The following ZFP90 variants were observed in gnomAD, a reference collection of about 807,000 sequenced individuals.
ZFP90 encodes ZFP90 zinc finger protein, also known as zinc finger protein 90 homolog.
A neutral mutation model predicts 60.8 loss-of-function variants in ZFP90; 38 were observed. That is an observed-to-expected ratio of 0.62 (90% confidence interval 0.48 to 0.82). The LOEUF is 0.82. Among genes scored for constraint, ZFP90 ranks in the 40% least tolerant of loss-of-function variants. The pLI, the probability that ZFP90 is intolerant of heterozygous loss-of-function variation, is 0.00. For synonymous variants in ZFP90, 287 were observed against 264.8 expected, an observed-to-expected ratio of 1.08 and a Z score of -0.82; for missense variants, 711 against 759.1, an observed-to-expected ratio of 0.94 and a Z score of 0.74.
chr16:68,560,537 T>TTTTATTTA lies in ZFP90; in HGVS notation c.256+1997_256+2004dup, dbSNP rs1555499701. 2.4e-4 allele frequency among the ~76,000 whole-genome samples: 36 copies of TTTTATTTA among 147,226 alleles called. No homozygotes were observed. The East Asian group carries it at 5.8e-3, about 24-fold the overall frequency. On this transcript the variant is annotated intron_variant, in intron 4 of 4. Transcript: ENST00000563169. ...TCATCAGTTGCTGAACCACACTGGA[T>TTTTATTTA]TTTATTTATTTATTTATTTATTTAT...
chr16:68,547,882 C>T (rs1362114602), intron 2 of ZFP90, among the ~76,000 whole-genome samples: 1 of 148,466 alleles, frequency 6.7e-6, no homozygotes, highest in East Asian at 2.0e-4. Context: ...GTTGCCCAGG[C>T]TAGAGGGCAA....
intron 4 of ZFP90, chr16:68,562,201 G>T (rs1457451554): frequency 6.6e-6 from 1 of 152,138 alleles, no homozygotes; most frequent in African/African-American, 2.4e-5. Context: ...AGTCTTATAT[G>T]TACCATCCAG....
chr16:68,553,171 G>A (rs917555412), intron 2 of ZFP90, among the ~76,000 whole-genome samples: 2 of 152,152 alleles, frequency 1.3e-5, no homozygotes, highest in African/African-American at 4.8e-5. Flanking sequence ...TTTACATTCT[G>A]CTTTGGGATA....
In ZFP90 at chr16:68,564,625, A is replaced by G. The variant is rs1473395357; in HGVS notation, c.1838A>G (p.Glu613Gly). 1 of 1,613,930 alleles carries G rather than the reference A, an allele frequency of 6.2e-7. No homozygotes were observed. Among genetic ancestry groups the G allele is most frequent in the Non-Finnish European group, 8.5e-7 (1 of 1,179,998 alleles). ...GGAGAAAAACCCTATTCTTGTAAGG[A>G]ATGTGGGAAAAACTTCAGCCGAAGT... ...HTGEKPYSCK[E>G]CGKNFSRSSA... is the part of the protein sequence containing the mutation. The change falls in exon 5 of 5, where the codon GAA becomes GGA. Residue 613 changes from glutamate (E) to glycine (G), a missense_variant. Transcript: ENST00000563169.
Position 68,575,921 on chromosome 16 carries a change from C to T in ZFP90, c.*45C>T, listed in dbSNP as rs1597763833. 2.5e-5 allele frequency: 10 copies of T among 398,090 alleles called. No homozygotes were observed. The East Asian group carries it at 3.6e-4, about 14-fold the overall frequency. The allele number at this position is 398,090 out of a possible 1,614,324, so 24.7% of individuals were successfully genotyped here. ...GTAAGGACCTCCAGAAGTTCTCTGC[C>T]CCGTACAAGCCATGCAAATACTGAC... is the stretch of plus-strand genomic sequence containing the variant. On this transcript the variant is annotated 3_prime_UTR_variant, in exon 3 of 3. Transcript: ENST00000573113.
chr16:68,548,849 G>C (rs1233884853), intron 2 of ZFP90, among the ~76,000 whole-genome samples: 1 of 151,966 alleles, frequency 6.6e-6, no homozygotes, highest in African/African-American at 2.4e-5. Flanking sequence ...TTTATCAGAG[G>C]TTTTTCTATT....
At chr16:68,553,395 G>A (rs1292569312) in intron 2 of ZFP90, among the ~76,000 whole-genome samples, 3 of 152,106 alleles carry the variant, frequency 2.0e-5, no homozygotes, top group Admixed American at 6.6e-5. Flanking sequence ...CAGGCACCAG[G>A]GAGGAAGTAG....
intron 2 of ZFP90, among the ~76,000 whole-genome samples, chr16:68,541,198 G>A (rs1332782659): frequency 1.3e-5 from 2 of 151,982 alleles, no homozygotes; most frequent in East Asian, 1.9e-4. Context: ...CACCACACCC[G>A]GCTAATTTTT....
At chr16:68,539,079 C>G (rs1398558649), upstream of ZFP90, 1 of 152,386 alleles carries the variant, frequency 6.6e-6, no homozygotes, top group South Asian at 2.1e-4. Flanking sequence ...AGCAACAAGC[C>G]CCTTGCAAAG....
Position 68,563,690 on chromosome 16 carries a change from G to A in ZFP90, c.903G>A (p.Glu301=). 1.2e-6 allele frequency: 2 copies of A among 1,614,174 alleles called. No homozygotes were observed. The highest frequency in any genetic ancestry group is 1.7e-6 in the Non-Finnish European group (2 of 1,180,034). Residue 301 remains glutamate (E), a synonymous_variant, in exon 5 of 5, where the codon GAG becomes GAA. Coordinates refer to ENST00000563169, the MANE Select transcript of ZFP90 (RefSeq NM_001305203.2). ...ATAGCTCATCTCTTGGTCAGCATGA[G>A]AATGCTCATACCGGAGAGAAACCCT... ...FRHSSSLGQH[E]NAHTGEKPYQ... is the part of the protein sequence containing the mutation.
chr16:68,574,286 A>G (rs1349837702), intron 2 of ZFP90: 1 of 150,814 alleles, frequency 6.6e-6, no homozygotes, highest in Non-Finnish European at 1.5e-5. Flanking sequence ...CTCCCCCTGA[A>G]ACAAGGTCAT....
intron 2 of ZFP90, among the ~76,000 whole-genome samples, chr16:68,542,294 T>G (rs1356504529): frequency 6.6e-6 from 1 of 152,048 alleles, no homozygotes; most frequent in Non-Finnish European, 1.5e-5. Flanking sequence ...CACCTTTGAA[T>G]AGGAGCAGAG....
chr16:68,542,475 C>T (rs1311768447), intron 2 of ZFP90, among the ~76,000 whole-genome samples: 1 of 152,054 alleles, frequency 6.6e-6, no homozygotes, highest in African/African-American at 2.4e-5. Context: ...CCTGTAGTCC[C>T]AGCTACTAGG....
At chr16:68,560,173 G>A (rs968657505) in intron 4 of ZFP90, among the ~76,000 whole-genome samples, 1 of 152,106 alleles carries the variant, frequency 6.6e-6, no homozygotes, top group African/African-American at 2.4e-5. Flanking sequence ...GAGCATAGAG[G>A]TCAGTGGTTT....
chr16:68,564,866 C>T lies in ZFP90; in HGVS notation c.*168C>T, dbSNP rs2091501138. The stretch of plus-strand genomic sequence containing the variant: ...ATTTTTTTTTTTTAACATAAAGACA[C>T]ATTCTCAGATCTGATTACAGACTAG... On this transcript the variant is annotated 3_prime_UTR_variant, in exon 5 of 5. Transcript: ENST00000563169. 8 of 1,395,374 alleles carry T rather than the reference C, an allele frequency of 5.7e-6. No individual in the cohort carries two copies. Among genetic ancestry groups the T allele is most frequent in the East Asian group, 5.2e-5 (2 of 38,362 alleles). 86.4% of individuals were successfully genotyped at this position (1,395,374 alleles called of 1,614,324 possible).
chr16:68,571,415 T>C (rs1276007530), downstream of ZFP90, among the ~76,000 whole-genome samples: 1 of 152,242 alleles, frequency 6.6e-6, no homozygotes, highest in East Asian at 1.9e-4. Context: ...CAGTGGTGCA[T>C]AGGTATTCGT....
At chr16:68,568,467 A>G (rs1340606146), downstream of ZFP90, among the ~76,000 whole-genome samples, 2 of 152,202 alleles carry the variant, frequency 1.3e-5, no homozygotes, top group Non-Finnish European at 2.9e-5. Context: ...TGGTATAATT[A>G]TTTTGGGGAG....
intron 2 of ZFP90, among the ~76,000 whole-genome samples, chr16:68,552,752 A>G (rs2091282225): frequency 6.6e-6 from 1 of 152,162 alleles, no homozygotes; most frequent in Non-Finnish European, 1.5e-5. Context: ...ATCTCAAGAC[A>G]AATATTTATT....
chr16:68,558,287 C>T, intron 3 of ZFP90, 163 bp downstream of exon 3: 1 of 1,239,882 alleles, frequency 8.1e-7, no homozygotes, highest in Non-Finnish European at 1.2e-6. Flanking sequence ...TGAGCCTGCT[C>T]TTTAGGTAAA....
Sources: gnomAD v4.1 joint callset for allele counts (sites outside exome capture counted in the v4.1 genomes callset) on GRCh38, gnomAD v4.1.1 for gene constraint, MANE v1.5 for transcripts, NCBI Gene and HGNC (gene_info 2026-07-23, HGNC 2026-07-21) for gene names.